Variants in CSMD1 observed in about 807,000 individuals in gnomAD.
CSMD1 encodes CUB and sushi domain-containing protein 1.
A neutral mutation model predicts 417.5 loss-of-function variants in CSMD1; 213 were observed. The observed-to-expected ratio is 0.51, with a 90% CI of 0.46 to 0.57. CSMD1 has a LOEUF of 0.57. CSMD1 is among the 20% of genes least tolerant of loss of function. CSMD1 has a pLI of 0.00. For synonymous variants in CSMD1, 2,862 were observed against 1,736.8 expected (o/e 1.65, Z -16.11); for missense variants, 6,923 against 4,529.7 (o/e 1.53, Z -15.17).
Position 4,798,076 on chromosome 8 carries a change from G to A in CSMD1, c.86-160518C>T, listed in dbSNP as rs184233404. The stretch of plus-strand genomic sequence containing the variant: ...TGCGCACAACGTGCAGGTTTCTTAA[G>A]TATGTGTAAATGTGCCATGTTGGCA... On this transcript the variant is annotated intron_variant, in intron 1 of 69. Transcript: ENST00000635120. Among the ~76,000 whole-genome samples, 78 of 152,276 alleles carry A rather than the reference G, an allele frequency of 5.1e-4. 1 individual carries two copies. The East Asian group carries it at 5.6e-3, about 11-fold the overall frequency.
At chr8:3,946,068 A>C (rs898757032) in intron 5 of CSMD1, among the ~76,000 whole-genome samples, 3 of 152,174 alleles carry the variant, frequency 2.0e-5, no homozygotes, top group African/African-American at 7.2e-5. Context: ...ATACTAACGT[A>C]AAGTGTAATG....
intron 17 of CSMD1, among the ~76,000 whole-genome samples, chr8:3,388,828 G>A (rs1046534239): frequency 6.6e-6 from 1 of 151,202 alleles, no homozygotes; most frequent in African/African-American, 2.4e-5. Flanking sequence ...GATATCATTT[G>A]GCTAGAAATC....
At chr8:3,374,323 T>C (rs988874890) in intron 18 of CSMD1, among the ~76,000 whole-genome samples, 2 of 152,114 alleles carry the variant, frequency 1.3e-5, no homozygotes, top group African/African-American at 4.8e-5. Context: ...TATCCCATCC[T>C]GCATTTAGAG....
At chr8:3,902,687 C>A (rs1310839139) in intron 5 of CSMD1, among the ~76,000 whole-genome samples, 1 of 152,108 alleles carries the variant, frequency 6.6e-6, no homozygotes, top group African/African-American at 2.4e-5. Context: ...CATCCTGGTT[C>A]TTAACAGGCT....
At chr8:4,336,815 G>A (rs1221882854) in intron 3 of CSMD1, among the ~76,000 whole-genome samples, 1 of 152,114 alleles carries the variant, frequency 6.6e-6, no homozygotes. Context: ...CAGGCTCTCA[G>A]TAACTAGAGA....
At position 3,452,896 on chromosome 8, in the gene CSMD1, C is replaced by T. The variant is rs371692610; in HGVS notation, c.1561+15816G>A. Among the ~76,000 whole-genome samples the T allele has an allele frequency of 2.0e-5, 3 of 152,180 alleles. No homozygotes were observed. In the East Asian group the frequency reaches 5.8e-4, roughly 29 times the overall value. On this transcript the variant is annotated intron_variant, in intron 12 of 69. Transcript: ENST00000635120. ...GGAATAGTTTCAGAAGGAATGGTAC[C>T]AGCTCCTCCTTGTATCTCTGGTAGA...
chr8:4,549,393 A>G (rs1249176218), intron 2 of CSMD1, among the ~76,000 whole-genome samples: 2 of 152,218 alleles, frequency 1.3e-5, no homozygotes, highest in Non-Finnish European at 2.9e-5. Flanking sequence ...AACAAAACAC[A>G]GTAACAGTTT....
chr8:4,994,115 A>G (rs960604488), intron 1 of CSMD1, among the ~76,000 whole-genome samples: 7 of 151,816 alleles, frequency 4.6e-5, no homozygotes, highest in Non-Finnish European at 7.4e-5. Context: ...AGAGAGGGGG[A>G]AGGAATGGCG....
rs548378945 is a variant in CSMD1 at position 4,904,478 on chromosome 8, G to A, written c.85+89854C>T. 3.3e-5 allele frequency among the ~76,000 whole-genome samples: 5 copies of A among 152,176 alleles called. No individual in the cohort carries two copies. In the East Asian group the frequency reaches 7.8e-4, roughly 24 times the overall value. On this transcript the variant is annotated intron_variant, in intron 1 of 69. Coordinates refer to ENST00000635120, the MANE Select transcript of CSMD1 (RefSeq NM_033225.6). ...GAGACATGTTCAAAGTCAAACAGCT[G>A]GTAGGGCTCAATCGTCCTGACTCAG...
At chr8:4,121,832 G>T (rs1292507863) in intron 3 of CSMD1, among the ~76,000 whole-genome samples, 1 of 151,196 alleles carries the variant, frequency 6.6e-6, no homozygotes, top group African/African-American at 2.4e-5. Flanking sequence ...GCTTTGGGGG[G>T]GACAAAAAAA....
intron 3 of CSMD1, among the ~76,000 whole-genome samples, chr8:4,396,005 T>C (rs564003954): frequency 9.2e-4 from 140 of 152,322 alleles, no homozygotes; most frequent in African/African-American, 3.3e-3. Flanking sequence ...TGGAATGTTT[T>C]ATAATCATTT....
At chr8:4,403,120 T>A (rs569605695) in intron 3 of CSMD1, among the ~76,000 whole-genome samples, 3 of 151,880 alleles carry the variant, frequency 2.0e-5, no homozygotes, top group East Asian at 3.9e-4. Flanking sequence ...CGTGAGCCAC[T>A]GCCCCCGGCC....
chr8:3,057,669 T>G lies in CSMD1; in HGVS notation c.7475-5022A>C, dbSNP rs568214171. The stretch of plus-strand genomic sequence containing the variant: ...CAGATAAAGTTACAGATGCTAACAT[T>G]TTTTATATCATTTTCCCCAAGTCTA... On this transcript the variant is annotated intron_variant, in intron 49 of 69. Transcript: ENST00000635120. 2.0e-5 allele frequency among the ~76,000 whole-genome samples: 3 copies of G among 152,212 alleles called. No homozygotes were observed. In the East Asian group the frequency reaches 5.8e-4, roughly 29 times the overall value.
chr8:3,165,592 C>T (rs958282880), intron 37 of CSMD1, among the ~76,000 whole-genome samples: 5 of 151,992 alleles, frequency 3.3e-5, no homozygotes, highest in South Asian at 4.2e-4. Flanking sequence ...CCACCACGCC[C>T]GGCTAATTTT....
chr8:4,811,643 T>G (rs1016234441), intron 1 of CSMD1, among the ~76,000 whole-genome samples: 1 of 152,102 alleles, frequency 6.6e-6, no homozygotes, highest in Non-Finnish European at 1.5e-5. Context: ...GGGGCTGTCA[T>G]AACTGGACTT....
intron 3 of CSMD1, among the ~76,000 whole-genome samples, chr8:4,389,250 A>G (rs542324023): frequency 1.3e-5 from 2 of 152,280 alleles, no homozygotes; most frequent in Non-Finnish European, 2.9e-5. Context: ...TGGGTCATAT[A>G]TTAAGCATAA....
intron 1 of CSMD1, among the ~76,000 whole-genome samples, chr8:4,704,916 G>A (rs1025098979): frequency 1.3e-5 from 2 of 152,154 alleles, no homozygotes; most frequent in East Asian, 1.9e-4. Flanking sequence ...TTTTAATAAA[G>A]TCTTAGTAAA....
At chr8:4,040,019 G>C (rs1563351321) in intron 3 of CSMD1, among the ~76,000 whole-genome samples, 1 of 151,308 alleles carries the variant, frequency 6.6e-6, no homozygotes, top group Non-Finnish European at 1.5e-5. Flanking sequence ...TGTCAGGACT[G>C]TTAAAATTAT....
chr8:4,957,812 A>C (rs1809219733), intron 1 of CSMD1, among the ~76,000 whole-genome samples: 1 of 152,170 alleles, frequency 6.6e-6, no homozygotes, highest in Non-Finnish European at 1.5e-5. Context: ...GTACTAGCTA[A>C]GTAGGTGGAT....
Sources: allele counts gnomAD v4.1 joint callset (sites outside exome capture counted in the v4.1 genomes callset), GRCh38; gene constraint gnomAD v4.1.1; transcripts MANE v1.5; gene names NCBI Gene and HGNC (gene_info 2026-07-23, HGNC 2026-07-21).